VPS13B: variants seen among roughly 807,000 people sequenced by gnomAD.
VPS13B encodes the protein intermembrane lipid transfer protein VPS13B.
A neutral mutation model predicts 426.4 loss-of-function variants in VPS13B; 285 were observed. The ratio of observed to expected loss-of-function variants is 0.67; its 90% CI spans 0.61 to 0.74. VPS13B has a LOEUF of 0.74. Ranked by LOEUF, VPS13B falls within the 30% of genes least tolerant of loss-of-function variation. VPS13B has a pLI of 0.00. For synonymous variants in VPS13B, 1,676 were observed against 1,676.4 expected (o/e 1.00, Z 0.01); for missense variants, 4,537 against 4,782.6 (o/e 0.95, Z 1.51).
At chr8:99,261,067 A>G (rs553218295) in intron 17 of VPS13B, among the ~76,000 whole-genome samples, 25 of 152,144 alleles carry the variant, frequency 1.6e-4, no homozygotes, top group African/African-American at 6.0e-4. Context: ...CCTATTATCA[A>G]TATCAATATC....
intron 39 of VPS13B, among the ~76,000 whole-genome samples, chr8:99,735,808 T>C (rs1433592235): frequency 6.6e-6 from 1 of 152,060 alleles, no homozygotes; most frequent in Non-Finnish European, 1.5e-5. Flanking sequence ...CAGAGCTCAG[T>C]GGTATCACGT....
chr8:99,814,287 C>A (rs1353711425), intron 44 of VPS13B, among the ~76,000 whole-genome samples: 1 of 152,166 alleles, frequency 6.6e-6, no homozygotes, highest in Non-Finnish European at 1.5e-5. Flanking sequence ...TTTGAAGTTA[C>A]AAAATATGCT....
intron 19 of VPS13B, among the ~76,000 whole-genome samples, chr8:99,369,974 G>A (rs1200571244): frequency 1.3e-5 from 2 of 152,136 alleles, no homozygotes; most frequent in Non-Finnish European, 2.9e-5. Context: ...ATCACAGTGT[G>A]TCTTTTATTG....
At chr8:99,069,841 C>A (rs773727945) in intron 3 of VPS13B, among the ~76,000 whole-genome samples, 33 of 152,310 alleles carry the variant, frequency 2.2e-4, no homozygotes, top group Admixed American at 3.9e-4. Context: ...GAAAAAAATT[C>A]TCTTGCTCCT....
intron 39 of VPS13B, among the ~76,000 whole-genome samples, chr8:99,732,515 A>G (rs1164559928): frequency 1.3e-5 from 2 of 152,228 alleles, no homozygotes; most frequent in African/African-American, 4.8e-5. Flanking sequence ...GTTAAAAGGG[A>G]AATGGGGCTC....
chr8:99,053,524 C>T (rs1192695373), intron 3 of VPS13B, among the ~76,000 whole-genome samples: 1 of 152,074 alleles, frequency 6.6e-6, no homozygotes, highest in Non-Finnish European at 1.5e-5. Flanking sequence ...TTCTATTATA[C>T]TTTCTGTTTC....
chr8:99,275,177 C>A lies in VPS13B; in HGVS notation c.2747C>A (p.Pro916Gln). 1 of 1,613,048 alleles carries A rather than the reference C, an allele frequency of 6.2e-7. No individual in the cohort carries two copies. Among genetic ancestry groups the A allele is most frequent in the Non-Finnish European group, 8.5e-7 (1 of 1,179,496 alleles). Reference sequence around the variant, plus strand: ...AAGTGGCTCAATGAGAGTAGAAAGCCAGAGTCTCTCTTAGCTCCAGATTTG... The same window carrying A: ...AAGTGGCTCAATGAGAGTAGAAAGCAAGAGTCTCTCTTAGCTCCAGATTTG... Reference protein sequence around the residue: ...STKWLNESRKPESLLAPDLMA... With the variant: ...STKWLNESRKQESLLAPDLMA... Residue 916 changes from proline (P) to glutamine (Q), a missense_variant, in exon 19 of 62, where the codon CCA becomes CAA. Around this residue, in one of 2 missense-constraint regions of VPS13B, gnomAD observed 4,311 missense variants for 4,474.3 expected, o/e 0.96. Coordinates refer to ENST00000357162, the MANE Select transcript of VPS13B (RefSeq NM_152564.5).
chr8:99,538,380 A>G (rs1429541951), intron 30 of VPS13B, among the ~76,000 whole-genome samples: 1 of 152,206 alleles, frequency 6.6e-6, no homozygotes, highest in South Asian at 2.1e-4. Flanking sequence ...TTATCTTTCT[A>G]TGCCCTCTAA....
chr8:99,276,886 C>G (rs1298723937), intron 19 of VPS13B, among the ~76,000 whole-genome samples: 2 of 152,066 alleles, frequency 1.3e-5, no homozygotes, highest in African/African-American at 4.8e-5. Flanking sequence ...AATCTTGCCA[C>G]TTGTTCTTGA....
chr8:99,604,451 A>G (rs1056180270), intron 33 of VPS13B, among the ~76,000 whole-genome samples: 2 of 149,652 alleles, frequency 1.3e-5, no homozygotes, highest in African/African-American at 4.9e-5. Flanking sequence ...TTATGTCTCC[A>G]TAGGTTCCTC....
At chr8:99,422,750 A>G (rs1816442920) in intron 21 of VPS13B, among the ~76,000 whole-genome samples, 1 of 152,198 alleles carries the variant, frequency 6.6e-6, no homozygotes, top group Non-Finnish European at 1.5e-5. Context: ...TCTGAAACAT[A>G]TATAGTAAAG....
intron 15 of VPS13B, among the ~76,000 whole-genome samples, chr8:99,158,957 G>A (rs1006130462): frequency 1.3e-5 from 2 of 152,190 alleles, no homozygotes; most frequent in Non-Finnish European, 2.9e-5. Flanking sequence ...CCATTCTTCT[G>A]ATAGACCTGG....
chr8:99,639,148 G>T (rs922748116), intron 33 of VPS13B, among the ~76,000 whole-genome samples: 6 of 152,136 alleles, frequency 3.9e-5, no homozygotes, highest in African/African-American at 1.4e-4. Context: ...TTTGTAATTT[G>T]TTCAGAGTCA....
chr8:99,265,001 C>A (rs189561583), intron 17 of VPS13B, among the ~76,000 whole-genome samples: 1 of 152,076 alleles, frequency 6.6e-6, no homozygotes, highest in East Asian at 1.9e-4. Context: ...AGAGAACTAG[C>A]ATCATGTTTT....
chr8:99,875,725 C>T lies in VPS13B; in HGVS notation c.*59C>T. On this transcript the variant is annotated 3_prime_UTR_variant, in exon 62 of 62. Coordinates refer to ENST00000357162, the MANE Select transcript of VPS13B (RefSeq NM_152564.5). ...ATTTAGTTTTTGGGTTTCTTTGAGA[C>T]AGGGTCTCACTGCATTGCCCTTGCT... The T allele has an allele frequency of 6.2e-7, 1 of 1,609,324 alleles. No homozygotes were observed. Among genetic ancestry groups the T allele is most frequent in the East Asian group, 2.2e-5 (1 of 44,842 alleles).
intron 19 of VPS13B, among the ~76,000 whole-genome samples, chr8:99,338,352 T>G (rs1242122814): frequency 2.0e-5 from 3 of 152,138 alleles, no homozygotes; most frequent in Admixed American, 1.3e-4. Flanking sequence ...ATCATTTTTT[T>G]GGGTCTTTTT....
intron 29 of VPS13B, among the ~76,000 whole-genome samples, chr8:99,516,787 CAAAAAAAAAAAAAAAAAA>C (rs528490868): frequency 3.0e-4 from 5 of 16,688 alleles, no homozygotes; most frequent in African/African-American, 1.1e-3. Flanking sequence ...GACCGTGTCT[CAAAAAAAAAAAAAAAAAA>C]AAAAAAAAAA....
rs554751689 is a variant in VPS13B, at chr8:99,402,067, T to C, written c.3082+10363T>C. On this transcript the variant is annotated intron_variant, in intron 21 of 61. Transcript: ENST00000357162. ...ATGTTATTATCTGAAAGTTTAGCATTACCTAGAGAAAACCTCTCATGTAAA... is the reference window on the plus strand; with the variant it reads ...ATGTTATTATCTGAAAGTTTAGCATCACCTAGAGAAAACCTCTCATGTAAA... Among the ~76,000 whole-genome samples, 3 of 152,260 alleles carry C rather than the reference T, an allele frequency of 2.0e-5. No individual in the cohort carries two copies. In the East Asian group the frequency reaches 5.8e-4, roughly 29 times the overall value.
At chr8:99,382,168 C>T (rs1226396250) in intron 19 of VPS13B, among the ~76,000 whole-genome samples, 1 of 151,996 alleles carries the variant, frequency 6.6e-6, no homozygotes, top group African/African-American at 2.4e-5. Context: ...GCTGTCTATT[C>T]TGTTCCATTG....
Sources: gnomAD v4.1 joint callset for allele counts (sites outside exome capture counted in the v4.1 genomes callset) on GRCh38, gnomAD v4.1.1 for gene constraint, gnomAD v4.1.1 regional missense constraint, MANE v1.5 for transcripts, NCBI Gene and HGNC (gene_info 2026-07-23, HGNC 2026-07-21) for gene names.